FBLN1: variants seen among roughly 807,000 people sequenced by gnomAD.
The protein encoded by FBLN1 is fibulin-1.
FBLN1 carries 34 observed loss-of-function variants against 89.7 expected under a neutral mutation model. That is an observed-to-expected ratio of 0.38 (90% CI 0.29 to 0.50). FBLN1 has a LOEUF of 0.50. FBLN1 is among the 20% of genes least tolerant of loss of function. The probability of loss-of-function intolerance (pLI) is 0.92; values close to 1 mark genes in which losing one functional copy is unlikely to be tolerated. For missense variants in FBLN1, 777 were observed against 988.1 expected (o/e 0.79, Z 2.86); for synonymous variants, 393 against 391.3 (o/e 1.00, Z -0.05).
intron 11 of FBLN1, 114 bp from the exon 12 acceptor site, chr22:45,546,971 G>A: frequency 2.6e-6 from 4 of 1,533,220 alleles, no homozygotes; most frequent in Non-Finnish European, 3.6e-6. Context: ...GTCTCTCCGA[G>A]TGTGTTAACC....
chr22:45,598,050 T>G (rs1361443163), intron 16 of FBLN1, among the ~76,000 whole-genome samples: 1 of 152,206 alleles, frequency 6.6e-6, no homozygotes, highest in Non-Finnish European at 1.5e-5. Context: ...GCTGTCACCG[T>G]GCACGTTTCC....
intron 1 of FBLN1, among the ~76,000 whole-genome samples, chr22:45,514,790 G>T (rs2088147780): frequency 6.6e-6 from 1 of 152,190 alleles, no homozygotes; most frequent in African/African-American, 2.4e-5. Context: ...CACCATCCCT[G>T]GCCCCGAAGG....
intron 14 of FBLN1, among the ~76,000 whole-genome samples, chr22:45,566,781 G>A (rs947535474): frequency 6.6e-6 from 1 of 152,136 alleles, no homozygotes; most frequent in African/African-American, 2.4e-5. Context: ...GGTCATATGT[G>A]GAGCTGACAT....
At chr22:45,535,481 A>T (rs1033428023) in intron 8 of FBLN1, 144 bp downstream of exon 8, 2 of 864,696 alleles carry the variant, frequency 2.3e-6, no homozygotes, top group African/African-American at 3.3e-5. Context: ...CTGGACAGCA[A>T]ATAGAGCAAA....
In FBLN1 at chr22:45,557,867, T is replaced by C. The variant is rs917558299; in HGVS notation, c.1697+7252T>C. On this transcript the variant is annotated intron_variant, in intron 14 of 16. Transcript: ENST00000327858. The surrounding 1 kb of genome is among the most constrained non-coding windows in gnomAD (Gnocchi z 4.9). ...ATGAATCAGTATGTAATCGCACATCTGGTCATTTCTCCTTCCATGCAAAGT... is the reference window on the plus strand; with the variant it reads ...ATGAATCAGTATGTAATCGCACATCCGGTCATTTCTCCTTCCATGCAAAGT... Among the ~76,000 whole-genome samples the C allele has an allele frequency of 6.6e-6, 1 of 152,218 alleles. No individual in the cohort carries two copies. The highest frequency in any genetic ancestry group is 1.9e-4 in the East Asian group (1 of 5,194).
rs1238517199 is a variant in FBLN1 at position 45,590,431 on chromosome 22, AG to A, written c.1973-9875del. On this transcript the variant is annotated intron_variant, in intron 16 of 16. Transcript: ENST00000327858. The surrounding 1 kb of genome is among the most constrained non-coding windows in gnomAD (Gnocchi z 4.1). The stretch of plus-strand genomic sequence containing the variant: ...TCAGTGTGGCTGGGGCAGTGTGCTG[AG>A]AGCTGGGCTGGACGGGGCCGTGGGC... 1.3e-5 allele frequency among the ~76,000 whole-genome samples: 2 copies of A among 152,148 alleles called. No individual in the cohort carries two copies. Among genetic ancestry groups the A allele is most frequent in the African/African-American group, 4.8e-5 (2 of 41,444 alleles).
chr22:45,506,673 A>G (rs1382759027), intron 1 of FBLN1, among the ~76,000 whole-genome samples: 1 of 152,172 alleles, frequency 6.6e-6, no homozygotes, highest in East Asian at 1.9e-4. Flanking sequence ...GAAGGAAGAG[A>G]AAACACGAGA....
chr22:45,548,693 A>C lies in FBLN1; in HGVS notation c.1522A>C (p.Ser508Arg), dbSNP rs1380509549. Residue 508 changes from serine (S) to arginine (R), a missense_variant, in exon 13 of 17, where the codon AGC (serine) becomes CGC (arginine). Transcript: ENST00000327858. ...CINIPGSFQC[S>R]CPSSGYRLAP... is the part of the protein sequence containing the mutation. ...CAACATCCCTGGAAGCTTCCAGTGC[A>C]GCTGCCCCTCGTCTGGCTACAGGCT... 1.2e-6 allele frequency: 2 copies of C among 1,613,692 alleles called. No individual in the cohort carries two copies. The highest frequency in any genetic ancestry group is 1.3e-5 in the African/African-American group (1 of 74,936).
chr22:45,550,398 C>T lies in FBLN1; in HGVS notation c.1574-94C>T, dbSNP rs2088686168. The T allele has an allele frequency of 6.3e-7, 1 of 1,589,458 alleles. No individual in the cohort carries two copies. Among genetic ancestry groups the T allele is most frequent in the Non-Finnish European group, 8.6e-7 (1 of 1,162,012 alleles). On this transcript the variant is annotated intron_variant, in intron 13 of 16. Transcript: ENST00000327858. This position sits in a 1 kb window ranked among gnomAD's most constrained non-coding sequence, Gnocchi z 8.4. ...GGATGGCCTGATCGCCACCCCTAACCCTAGTTGATGGGAGGCCTGGGCTCC... is the reference window on the plus strand; with the variant it reads ...GGATGGCCTGATCGCCACCCCTAACTCTAGTTGATGGGAGGCCTGGGCTCC...
intron 1 of FBLN1, among the ~76,000 whole-genome samples, chr22:45,511,467 T>A (rs2350956): frequency 0.29 from 42,191 of 147,436 alleles, 6,825 homozygotes; most frequent in East Asian, 0.55. Flanking sequence ...TTTTTTTTTT[T>A]AGACAGTCTC....
At chr22:45,595,994 T>C (rs1007195276) in intron 16 of FBLN1, among the ~76,000 whole-genome samples, 16 of 152,162 alleles carry the variant, frequency 1.1e-4, no homozygotes, top group Non-Finnish European at 1.6e-4. Context: ...CTCAGCCTCC[T>C]GAGTAGCTGG....
intron 14 of FBLN1, among the ~76,000 whole-genome samples, chr22:45,554,386 G>A (rs1408465612): frequency 6.6e-6 from 1 of 152,194 alleles, no homozygotes; most frequent in Non-Finnish European, 1.5e-5. Flanking sequence ...CTCTGGGGCA[G>A]GCCACCGCCA....
In FBLN1 at chr22:45,560,292, A is replaced by G. The variant is rs1002213834; in HGVS notation, c.1697+9677A>G. Among the ~76,000 whole-genome samples the G allele has an allele frequency of 3.9e-5, 6 of 152,360 alleles. No homozygotes were observed. In the East Asian group the frequency reaches 7.7e-4, roughly 20 times the overall value. On this transcript the variant is annotated intron_variant, in intron 14 of 16. Coordinates refer to ENST00000327858, the MANE Select transcript of FBLN1 (RefSeq NM_006486.3). ...TGGTTCCCACTGTTAGATCTGACAT[A>G]CCAAGACGAGCAATTACAGGGCTCT...
At position 45,568,600 on chromosome 22, in the gene FBLN1, CCTT is replaced by C. The variant is rs1569260212; in HGVS notation, c.1698-5908_1698-5906del. ...GAGAATGCTCCTGTAGGGGAATGCT[CCTT>C]CTGTAAGGGAATGCTCCTCCTGTAA... On this transcript the variant is annotated intron_variant, in intron 14 of 16. Coordinates refer to ENST00000327858, the MANE Select transcript of FBLN1 (RefSeq NM_006486.3). Among the ~76,000 whole-genome samples, 175 of 27,808 alleles carry C rather than the reference CCTT, an allele frequency of 6.3e-3. 19 individuals carry two copies. The highest frequency in any genetic ancestry group is 0.016 in the South Asian group (13 of 806). The allele number at this position is 27,808 out of a possible 152,430, so 18.2% of individuals were successfully genotyped here.
Position 45,579,025 on chromosome 22 carries a change from G to C in FBLN1, c.1972+1917G>C, listed in dbSNP as rs1372324317. 6.6e-6 allele frequency among the ~76,000 whole-genome samples: 1 copy of C among 152,220 alleles called. No individual in the cohort carries two copies. The highest frequency in any genetic ancestry group is 1.9e-4 in the East Asian group (1 of 5,192). On this transcript the variant is annotated intron_variant, in intron 16 of 16. Coordinates refer to ENST00000327858, the MANE Select transcript of FBLN1 (RefSeq NM_006486.3). The surrounding 1 kb of genome is among the most constrained non-coding windows in gnomAD (Gnocchi z 5.5). ...GAGACAGGCCTTGATGGCCTGTGGA[G>C]GCTCTCTTAGGGGAAGTCTCCTGGC...
chr22:45,505,255 C>G (rs1430917311), intron 1 of FBLN1, among the ~76,000 whole-genome samples: 1 of 152,226 alleles, frequency 6.6e-6, no homozygotes, highest in African/African-American at 2.4e-5. Flanking sequence ...CTTTCTTGGC[C>G]TCTGGCTGCA....
chr22:45,541,963 A>G (rs996446846), intron 9 of FBLN1, among the ~76,000 whole-genome samples, 192 bp from the exon 10 acceptor site: 1 of 152,200 alleles, frequency 6.6e-6, no homozygotes, highest in Non-Finnish European at 1.5e-5. Context: ...CCAGCCAGGT[A>G]GGGCTGCCTC....
intron 1 of FBLN1, among the ~76,000 whole-genome samples, chr22:45,512,561 G>T (rs73445416): frequency 0.077 from 11,765 of 152,142 alleles, 529 homozygotes; most frequent in African/African-American, 0.098. Flanking sequence ...GTGTGATGGG[G>T]CAGCGAAGCT....
rs1002578016 is a variant in FBLN1, at chr22:45,532,819, C to T, written c.545-244C>T. ...GTCCACCCCAGCCTACAAAGGGCACCCTGCACACCACCTGATTTTCCAGAC... is the reference window on the plus strand; with the variant it reads ...GTCCACCCCAGCCTACAAAGGGCACTCTGCACACCACCTGATTTTCCAGAC... On this transcript the variant is annotated intron_variant, in intron 5 of 16. Coordinates refer to ENST00000327858, the MANE Select transcript of FBLN1 (RefSeq NM_006486.3). The surrounding 1 kb of genome is among the most constrained non-coding windows in gnomAD (Gnocchi z 4.2). The T allele has an allele frequency of 1.5e-5, 9 of 585,982 alleles. No individual in the cohort carries two copies. Among genetic ancestry groups the T allele is most frequent in the Admixed American group, 8.8e-5 (3 of 34,236 alleles). The allele number at this position is 585,982 out of a possible 1,614,324, so 36.3% of individuals were successfully genotyped here.
Sources: allele counts gnomAD v4.1 joint callset (sites outside exome capture counted in the v4.1 genomes callset), GRCh38; gene constraint gnomAD v4.1.1; non-coding constraint Gnocchi (gnomAD v3.1); transcripts MANE v1.5; gene names NCBI Gene and HGNC (gene_info 2026-07-23, HGNC 2026-07-21).